The following MMUT variants were observed in gnomAD, a reference collection of about 807,000 sequenced individuals.
MMUT encodes the protein methylmalonyl-CoA mutase, mitochondrial.
A neutral mutation model predicts 79.9 loss-of-function variants in MMUT; 79 were observed. The observed-to-expected ratio is 0.99, with a 90% CI of 0.82 to 1.19. MMUT has a LOEUF of 1.19. Ranked by LOEUF, MMUT falls within the 50% of genes most tolerant of loss-of-function variation. The probability of loss-of-function intolerance (pLI) is 0.00; values close to 1 mark genes in which losing one functional copy is unlikely to be tolerated. For synonymous variants in MMUT, 273 were observed against 295.7 expected (o/e 0.92, Z 0.79); for missense variants, 860 against 917.2 (o/e 0.94, Z 0.81).
chr6:49,444,902 T>C (rs1767374716), intron 8 of MMUT, 148 bp from the exon 9 acceptor site: 1 of 589,822 alleles, frequency 1.7e-6, no homozygotes, highest in Non-Finnish European at 3.0e-6. Context: ...AAGAATAATA[T>C]ATAACCTAGG....
At chr6:49,436,178 G>C (rs1241019274) in intron 11 of MMUT, among the ~76,000 whole-genome samples, 1 of 152,192 alleles carries the variant, frequency 6.6e-6, no homozygotes, top group Non-Finnish European at 1.5e-5. Context: ...GTGTTGGTGA[G>C]AGTGTAAATT....
rs557885743 is a variant in MMUT at position 49,446,626 on chromosome 6, A to G, written c.1560+1044T>C. 4.6e-5 allele frequency among the ~76,000 whole-genome samples: 7 copies of G among 152,010 alleles called. No individual in the cohort carries two copies. In the South Asian group the frequency reaches 1.4e-3, roughly 31 times the overall value. ...CTACCTGTTAAATAAAACAATACAC[A>G]AAAACAACAATTCAAGAAAAGGATT... is the stretch of plus-strand genomic sequence containing the variant. On this transcript the variant is annotated intron_variant, in intron 8 of 12. Transcript: ENST00000274813.
intron 11 of MMUT, among the ~76,000 whole-genome samples, chr6:49,437,995 A>G (rs1767176958): frequency 1.3e-5 from 2 of 152,048 alleles, no homozygotes; most frequent in Non-Finnish European, 2.9e-5. Context: ...AGTTATAGTA[A>G]TTTAGTTATA....
chr6:49,435,539 G>GTTCCT lies in MMUT; in HGVS notation c.2040_2041insAGGAA (p.Leu681ArgfsTer3). 1 of 1,614,166 alleles carries GTTCCT rather than the reference G, an allele frequency of 6.2e-7. No individual in the cohort carries two copies. Among genetic ancestry groups the GTTCCT allele is most frequent in the Non-Finnish European group, 8.5e-7 (1 of 1,180,036 alleles). On this transcript the variant is annotated frameshift_variant, in exon 12 of 13. Transcript: ENST00000274813. LOFTEE classifies it high-confidence loss of function. ...AGTTCTTTGATGAGTTCAGGAACTA[G>GTTCCT]GGTTTTATGACCAGCAGCGAGGGTG...
chr6:49,453,116 A>G (rs1290286983), intron 5 of MMUT, among the ~76,000 whole-genome samples: 1 of 142,762 alleles, frequency 7.0e-6, no homozygotes, highest in African/African-American at 2.6e-5. Context: ...ATCTTGGCTC[A>G]CTGCAACCTC....
intron 7 of MMUT, 84 bp downstream of exon 7, chr6:49,448,732 G>T (rs980241941): frequency 1.7e-6 from 2 of 1,165,272 alleles, no homozygotes; most frequent in African/African-American, 1.5e-5. Context: ...TTTTTGTTTT[G>T]TTAACTATAC....
intron 12 of MMUT, among the ~76,000 whole-genome samples, chr6:49,432,365 T>C (rs917027498): frequency 3.3e-5 from 5 of 152,106 alleles, no homozygotes; most frequent in African/African-American, 1.2e-4. Context: ...CTGTTGATTT[T>C]TTTTAGTTTA....
intron 3 of MMUT, 91 bp from the exon 4 acceptor site, chr6:49,456,328 A>C: frequency 2.3e-6 from 2 of 884,782 alleles, no homozygotes; most frequent in South Asian, 2.9e-5. Flanking sequence ...ATTATTTTAA[A>C]ATGATGTTAA....
At chr6:49,447,288 A>G (rs547276207) in intron 8 of MMUT, among the ~76,000 whole-genome samples, 2 of 152,076 alleles carry the variant, frequency 1.3e-5, no homozygotes, top group Non-Finnish European at 2.9e-5. Flanking sequence ...GGTTCAAATA[A>G]TAACTCTAAA....
Position 49,431,614 on chromosome 6 carries a change from T to C in MMUT, c.*114A>G. 8.6e-7 allele frequency: 1 copy of C among 1,161,064 alleles called. No homozygotes were observed. Among genetic ancestry groups the C allele is most frequent in the Non-Finnish European group, 1.3e-6 (1 of 792,934 alleles). The allele number at this position is 1,161,064 out of a possible 1,614,324, so 71.9% of individuals were successfully genotyped here. ...AAGTAAGGTATTTTAAAGTAAAGCTTTCAAGGAAAGTACAAATCAGGTATT... is the reference window on the plus strand; with the variant it reads ...AAGTAAGGTATTTTAAAGTAAAGCTCTCAAGGAAAGTACAAATCAGGTATT... On this transcript the variant is annotated 3_prime_UTR_variant, in exon 13 of 13. Coordinates refer to ENST00000274813, the MANE Select transcript of MMUT (RefSeq NM_000255.4).
At chr6:49,455,259 G>A (rs946418156) in intron 4 of MMUT, among the ~76,000 whole-genome samples, 3 of 152,086 alleles carry the variant, frequency 2.0e-5, no homozygotes, top group African/African-American at 2.4e-5. Flanking sequence ...ATCACATATC[G>A]TGTAGCTTCT....
intron 2 of MMUT, 38 bp from the exon 3 acceptor site, chr6:49,458,096 T>G (rs1767741224): frequency 6.3e-7 from 1 of 1,590,140 alleles, no homozygotes; most frequent in East Asian, 2.2e-5. Context: ...GATTCAAGAG[T>G]CTGGAATCAA....
At position 49,431,314 on chromosome 6, in the gene MMUT, T is replaced by A. The variant is rs1766966569; in HGVS notation, c.*414A>T. 1 of 154,000 alleles carries A rather than the reference T, an allele frequency of 6.5e-6. No individual in the cohort carries two copies. Among genetic ancestry groups the A allele is most frequent in the Admixed American group, 6.5e-5 (1 of 15,420 alleles). The allele number at this position is 154,000 out of a possible 1,614,324, so 9.5% of individuals were successfully genotyped here. On this transcript the variant is annotated 3_prime_UTR_variant, in exon 13 of 13. Transcript: ENST00000274813. ...GATAGGTTTTTATTAATATATGGATTTTATTTTCTGGTGCTCAAGACAATG... is the reference window on the plus strand; with the variant it reads ...GATAGGTTTTTATTAATATATGGATATTATTTTCTGGTGCTCAAGACAATG...
chr6:49,452,065 A>G (rs182488456), intron 5 of MMUT, among the ~76,000 whole-genome samples: 93 of 152,302 alleles, frequency 6.1e-4, no homozygotes, highest in Non-Finnish European at 2.4e-4. Context: ...TATTTTGTCT[A>G]CCTCACAGTA....
chr6:49,448,441 T>C (rs1035543158), intron 7 of MMUT, among the ~76,000 whole-genome samples: 4 of 152,066 alleles, frequency 2.6e-5, no homozygotes, highest in Non-Finnish European at 4.4e-5. Flanking sequence ...CTGTTCACAG[T>C]TGTATGCCCA....
intron 5 of MMUT, among the ~76,000 whole-genome samples, chr6:49,453,371 A>T (rs151171198): frequency 2.0e-5 from 3 of 151,900 alleles, no homozygotes; most frequent in East Asian, 1.9e-4. Context: ...GTGATTTTAT[A>T]TTGTTAACCA....
intron 3 of MMUT, among the ~76,000 whole-genome samples, chr6:49,456,601 A>T (rs528094148): frequency 6.6e-6 from 1 of 152,332 alleles, no homozygotes; most frequent in African/African-American, 2.4e-5. Context: ...CTTGGACCTC[A>T]TAAGAGGTTG....
At chr6:49,438,717 C>T (rs1767196709) in intron 11 of MMUT, among the ~76,000 whole-genome samples, 1 of 152,094 alleles carries the variant, frequency 6.6e-6, no homozygotes, top group Admixed American at 6.6e-5. Context: ...ACATTTGAAT[C>T]AGTGGGCTAG....
chr6:49,435,524 T>A lies in MMUT; in HGVS notation c.2056A>T (p.Ile686Phe), dbSNP rs1767098614. ...AGHKTLVPEL[I>F]KELNSLGRPD... Reference sequence around the variant, plus strand: ...CGTCCAAGGGAGTTAAGTTCTTTGATGAGTTCAGGAACTAGGGTTTTATGA... The same window carrying A: ...CGTCCAAGGGAGTTAAGTTCTTTGAAGAGTTCAGGAACTAGGGTTTTATGA... Residue 686 changes from isoleucine to phenylalanine, a missense_variant, in exon 12 of 13, where the codon ATC becomes TTC. Transcript: ENST00000274813. The A allele has an allele frequency of 6.2e-7, 1 of 1,614,026 alleles. No homozygotes were observed. Among genetic ancestry groups the A allele is most frequent in the Admixed American group, 1.7e-5 (1 of 59,978 alleles).
Sources: gnomAD v4.1 joint callset for allele counts (sites outside exome capture counted in the v4.1 genomes callset) on GRCh38, gnomAD v4.1.1 for gene constraint, MANE v1.5 for transcripts, NCBI Gene and HGNC (gene_info 2026-07-23, HGNC 2026-07-21) for gene names.